The following HSF2BP variants were observed in gnomAD, a reference collection of about 807,000 sequenced individuals.
HSF2BP encodes heat shock transcription factor 2 binding protein.
HSF2BP carries 35 observed loss-of-function variants against 35.0 expected under a neutral mutation model. The observed-to-expected ratio is 1.00, with a 90% CI of 0.76 to 1.32. The LOEUF is 1.32. HSF2BP is among the 40% of genes most tolerant of loss of function. The probability of loss-of-function intolerance (pLI) is 0.00; values close to 1 mark genes in which losing one functional copy is unlikely to be tolerated. For synonymous variants in HSF2BP, 114 were observed against 117.4 expected (o/e 0.97, Z 0.18); for missense variants, 326 against 321.7 (o/e 1.01, Z -0.10).
intron 8 of HSF2BP, among the ~76,000 whole-genome samples, chr21:43,574,149 C>T (rs1195293852): frequency 2.0e-5 from 3 of 152,168 alleles, no homozygotes; most frequent in Non-Finnish European, 4.4e-5. Context: ...CAGCATCCTG[C>T]CTTCCCCTGG....
At chr21:43,605,995 C>A (rs1231526215) in intron 7 of HSF2BP, among the ~76,000 whole-genome samples, 1 of 152,102 alleles carries the variant, frequency 6.6e-6, no homozygotes, top group Non-Finnish European at 1.5e-5. Flanking sequence ...AAGGGAGGGC[C>A]AAGCTGAGGC....
At chr21:43,601,021 T>C (rs2082045262) in intron 7 of HSF2BP, among the ~76,000 whole-genome samples, 3 of 152,368 alleles carry the variant, frequency 2.0e-5, no homozygotes, top group Non-Finnish European at 4.4e-5. Context: ...TTTTAACTAA[T>C]CACAATTTAT....
chr21:43,577,954 G>T (rs1400129616), intron 8 of HSF2BP, among the ~76,000 whole-genome samples: 1 of 152,002 alleles, frequency 6.6e-6, no homozygotes, highest in Admixed American at 6.6e-5. Context: ...TCTACTCCCT[G>T]CCCACAAAAA....
chr21:43,639,387 T>G (rs576006348), intron 4 of HSF2BP, among the ~76,000 whole-genome samples: 2 of 152,240 alleles, frequency 1.3e-5, no homozygotes, highest in South Asian at 2.1e-4. Flanking sequence ...AGAAAAGACT[T>G]GCAAAACATA....
At chr21:43,501,626 C>A in the HSF2BP span, among the ~76,000 whole-genome samples, 1 of 11,290 alleles carries the variant, frequency 8.9e-5, no homozygotes, top group Non-Finnish European at 1.7e-4. Flanking sequence ...TGGTCTCAAA[C>A]TCCTGACCTC....
chr21:43,603,688 G>A (rs2082078755), intron 7 of HSF2BP, among the ~76,000 whole-genome samples: 1 of 152,144 alleles, frequency 6.6e-6, no homozygotes, highest in Admixed American at 6.5e-5. Flanking sequence ...CACCTTGAGG[G>A]GCCTCCAAGG....
At chr21:43,633,969 A>G (rs545282583) in intron 4 of HSF2BP, among the ~76,000 whole-genome samples, 2 of 152,374 alleles carry the variant, frequency 1.3e-5, no homozygotes, top group Non-Finnish European at 2.9e-5. Flanking sequence ...TCATGAGAAT[A>G]TTGCCAAAGG....
intron 5 of HSF2BP, 68 bp from the exon 6 acceptor site, chr21:43,630,522 C>A: frequency 6.6e-7 from 1 of 1,516,170 alleles, no homozygotes; most frequent in Non-Finnish European, 8.8e-7. Context: ...TTTAAAAGTG[C>A]AGGATACAGA....
chr21:43,652,264 G>A (rs149199094), intron 3 of HSF2BP, among the ~76,000 whole-genome samples: 26 of 152,196 alleles, frequency 1.7e-4, no homozygotes, highest in East Asian at 3.9e-4. Flanking sequence ...TTAGCCAGGC[G>A]TGATGGCAGG....
At position 43,646,685 on chromosome 21, in the gene HSF2BP, GTAAGT is replaced by G. The variant is rs1452391246; in HGVS notation, c.188-2298_188-2294del. Among the ~76,000 whole-genome samples the G allele has an allele frequency of 5.3e-5, 8 of 152,294 alleles. No individual in the cohort carries two copies. The East Asian group carries it at 1.3e-3, about 26-fold the overall frequency. The stretch of plus-strand genomic sequence containing the variant: ...CCAGACAGCTGTATGCAACCCTAGT[GTAAGT>G]TAACATACCAAAGGGACAGGGTTAA... On this transcript the variant is annotated intron_variant, in intron 3 of 8. Transcript: ENST00000291560.
chr21:43,611,517 G>C (rs1182442003), intron 7 of HSF2BP, among the ~76,000 whole-genome samples: 1 of 152,198 alleles, frequency 6.6e-6, no homozygotes, highest in Non-Finnish European at 1.5e-5. Flanking sequence ...AACCAGCAGA[G>C]AGTTTACCAC....
intron 6 of HSF2BP, among the ~76,000 whole-genome samples, chr21:43,620,825 C>T (rs1050405588): frequency 4.6e-5 from 7 of 151,902 alleles, no homozygotes; most frequent in East Asian, 1.9e-4. Context: ...CTCTCAACAG[C>T]GGAATGGATC....
At chr21:43,642,922 G>A (rs1246189064) in intron 4 of HSF2BP, among the ~76,000 whole-genome samples, 1 of 151,276 alleles carries the variant, frequency 6.6e-6, no homozygotes. Context: ...GCCTCAGCCA[G>A]GCTGGTCTCG....
At chr21:43,626,418 T>A (rs1174426643) in intron 6 of HSF2BP, among the ~76,000 whole-genome samples, 3 of 152,248 alleles carry the variant, frequency 2.0e-5, no homozygotes. Flanking sequence ...GTTGGGACTT[T>A]AAATTATCCC....
At chr21:43,625,458 C>T (rs2082378372) in intron 6 of HSF2BP, among the ~76,000 whole-genome samples, 1 of 151,932 alleles carries the variant, frequency 6.6e-6, no homozygotes, top group Non-Finnish European at 1.5e-5. Context: ...GGATGGCGTG[C>T]AGGAAGTCTG....
chr21:43,468,052 AC>A, the HSF2BP span, among the ~76,000 whole-genome samples: 23 of 118,636 alleles, frequency 1.9e-4, no homozygotes, highest in Non-Finnish European at 3.7e-4. Context: ...ACACAACCAT[AC>A]CACACACACC....
At chr21:43,615,204 A>G (rs1039033745) in intron 6 of HSF2BP, among the ~76,000 whole-genome samples, 26 of 152,252 alleles carry the variant, frequency 1.7e-4, no homozygotes, top group Admixed American at 1.7e-3. Flanking sequence ...GACGAGACCA[A>G]GGTGGAAAAG....
At chr21:43,633,226 C>T in intron 5 of HSF2BP, 46 bp downstream of exon 5, 1 of 1,577,810 alleles carries the variant, frequency 6.3e-7, no homozygotes, top group Non-Finnish European at 8.6e-7. Context: ...CTAATTTACA[C>T]AAGCAGTAAT....
chr21:43,589,201 C>T (rs2081895517), intron 8 of HSF2BP, among the ~76,000 whole-genome samples: 2 of 152,126 alleles, frequency 1.3e-5, no homozygotes, highest in Admixed American at 1.3e-4. Context: ...TAAGGGTAAA[C>T]AAACCTACCC....
Sources: allele counts gnomAD v4.1 joint callset (sites outside exome capture counted in the v4.1 genomes callset), GRCh38; gene constraint gnomAD v4.1.1; transcripts MANE v1.5; gene names NCBI Gene and HGNC (gene_info 2026-07-23, HGNC 2026-07-21).